The following CDH4 variants were observed in gnomAD, a reference collection of about 807,000 sequenced individuals.
CDH4 encodes the protein cadherin-4.
Under a neutral mutation model 86.0 loss-of-function variants are expected in CDH4, and 33 were observed. That is an observed-to-expected ratio of 0.38 (90% CI 0.29 to 0.51). The LOEUF (loss-of-function observed/expected upper bound fraction) is 0.51. Among genes scored for constraint, CDH4 ranks in the 20% least tolerant of loss-of-function variants. The pLI is 0.86. For synonymous variants in CDH4, 555 were observed against 549.4 expected (o/e 1.01, Z -0.14); for missense variants, 1,114 against 1,307.4 (o/e 0.85, Z 2.28).
At chr20:61,864,276 G>A (rs931903864) in intron 6 of CDH4, among the ~76,000 whole-genome samples, 25 of 152,290 alleles carry the variant, frequency 1.6e-4, no homozygotes, top group African/African-American at 5.3e-4. Flanking sequence ...TGGAGCTGAC[G>A]GGGCCAGTTC....
At chr20:61,693,515 C>T (rs1426583746) in intron 2 of CDH4, among the ~76,000 whole-genome samples, 1 of 152,258 alleles carries the variant, frequency 6.6e-6, no homozygotes, top group Non-Finnish European at 1.5e-5. Flanking sequence ...TCATGCTTGG[C>T]CTCTGCCACT....
At chr20:61,853,020 G>A (rs1010158697) in intron 6 of CDH4, 122 bp downstream of exon 6, 27 of 1,013,844 alleles carry the variant, frequency 2.7e-5, no homozygotes, top group African/African-American at 9.6e-5. Flanking sequence ...GGACTTGGGC[G>A]CAGACACACA....
chr20:61,583,634 G>A (rs187271582), intron 2 of CDH4, among the ~76,000 whole-genome samples: 31 of 152,312 alleles, frequency 2.0e-4, no homozygotes, highest in Admixed American at 1.1e-3. Context: ...TGGGTGCCTG[G>A]CCTGATCTCT....
At chr20:61,363,834 T>C (rs1355052499) in intron 2 of CDH4, among the ~76,000 whole-genome samples, 1 of 152,220 alleles carries the variant, frequency 6.6e-6, no homozygotes, top group Admixed American at 6.5e-5. Context: ...AGATGGTGCC[T>C]GACTTAGAAT....
At chr20:61,492,541 A>C (rs1049764031) in intron 2 of CDH4, among the ~76,000 whole-genome samples, 3 of 152,110 alleles carry the variant, frequency 2.0e-5, no homozygotes, top group African/African-American at 7.2e-5. Context: ...CCTGATGCTG[A>C]TGATAGTGAT....
chr20:61,789,778 G>T (rs1323954237), intron 4 of CDH4, among the ~76,000 whole-genome samples: 1 of 152,230 alleles, frequency 6.6e-6, no homozygotes, highest in African/African-American at 2.4e-5. Flanking sequence ...AGGTAGAACT[G>T]GTGGAGAAGG....
intron 2 of CDH4, among the ~76,000 whole-genome samples, chr20:61,553,120 C>T (rs759455504): frequency 4.6e-5 from 7 of 152,148 alleles, no homozygotes; most frequent in South Asian, 2.1e-4. Flanking sequence ...GAATGAAGTC[C>T]GTATGCAAGC....
intron 2 of CDH4, among the ~76,000 whole-genome samples, chr20:61,590,101 C>A (rs1436510932): frequency 6.8e-6 from 1 of 147,232 alleles, no homozygotes; most frequent in African/African-American, 2.5e-5. Context: ...TCAGGAGCAA[C>A]AGGAAGCACA....
rs565393554 is a variant in CDH4 at position 61,306,898 on chromosome 20, G to A, written c.169+51961G>A. 1.5e-4 allele frequency among the ~76,000 whole-genome samples: 23 copies of A among 152,242 alleles called. No homozygotes were observed. The South Asian group carries it at 4.4e-3, about 29-fold the overall frequency. On this transcript the variant is annotated intron_variant, in intron 2 of 15. Coordinates refer to ENST00000614565, the MANE Select transcript of CDH4 (RefSeq NM_001794.5). Reference sequence around the variant, plus strand: ...GTACGCCTGGCTTCTTTCCTGAGCCGTGTTTGGGGAGCCATCTGTGTCCTG... The same window carrying A: ...GTACGCCTGGCTTCTTTCCTGAGCCATGTTTGGGGAGCCATCTGTGTCCTG...
intron 2 of CDH4, among the ~76,000 whole-genome samples, chr20:61,622,450 C>T (rs1303530924): frequency 6.6e-6 from 1 of 152,260 alleles, no homozygotes; most frequent in Non-Finnish European, 1.5e-5. Context: ...GTTTGAGAAG[C>T]TGATGTCAGG....
intron 2 of CDH4, among the ~76,000 whole-genome samples, chr20:61,547,593 G>T (rs552911349): frequency 3.3e-5 from 5 of 151,196 alleles, no homozygotes; most frequent in African/African-American, 1.2e-4. Flanking sequence ...GGGTGGGGGT[G>T]GGGGGATACT....
intron 2 of CDH4, among the ~76,000 whole-genome samples, chr20:61,338,558 C>T (rs1223525412): frequency 6.6e-6 from 1 of 152,154 alleles, no homozygotes; most frequent in Admixed American, 6.5e-5. Flanking sequence ...GCTCCCTCCC[C>T]AATCTGCCTG....
chr20:61,756,214 C>T, intron 3 of CDH4, among the ~76,000 whole-genome samples: 1 of 152,190 alleles, frequency 6.6e-6, no homozygotes, highest in East Asian at 1.9e-4. Context: ...CTGGAGTCTG[C>T]ATCCTGGGCC....
intron 7 of CDH4, among the ~76,000 whole-genome samples, chr20:61,874,790 C>T (rs1005757618): frequency 4.6e-5 from 7 of 152,204 alleles, no homozygotes; most frequent in African/African-American, 7.2e-5. Context: ...TCATTCCAGA[C>T]GTAATTTACC....
At chr20:61,491,561 C>T (rs868235469) in intron 2 of CDH4, among the ~76,000 whole-genome samples, 65 of 152,310 alleles carry the variant, frequency 4.3e-4, no homozygotes, top group Middle Eastern at 6.8e-3. Flanking sequence ...TTTAAAGATA[C>T]GCAAAAATTG....
chr20:61,618,531 G>A (rs1262355954), intron 2 of CDH4, among the ~76,000 whole-genome samples: 2 of 152,202 alleles, frequency 1.3e-5, no homozygotes, highest in African/African-American at 2.4e-5. Flanking sequence ...TGCTGCCTGG[G>A]AATGGGACCC....
intron 2 of CDH4, among the ~76,000 whole-genome samples, chr20:61,493,341 TCTC>T (rs1341132528): frequency 1.3e-5 from 2 of 152,184 alleles, no homozygotes. Context: ...CTGTTTGGCT[TCTC>T]CTGGACAATG....
At chr20:61,509,208 A>G (rs2085762575) in intron 2 of CDH4, among the ~76,000 whole-genome samples, 2 of 151,994 alleles carry the variant, frequency 1.3e-5, no homozygotes, top group South Asian at 4.2e-4. Context: ...TGGGGCATGA[A>G]TGAAATCACC....
At chr20:61,936,204 C>A (rs1393035122) in intron 15 of CDH4, among the ~76,000 whole-genome samples, 2 of 151,726 alleles carry the variant, frequency 1.3e-5, no homozygotes, top group African/African-American at 4.8e-5. Context: ...ATCTGCCTGC[C>A]CCCTTAGGGA....
Sources: gnomAD v4.1 joint callset for allele counts (sites outside exome capture counted in the v4.1 genomes callset) on GRCh38, gnomAD v4.1.1 for gene constraint, MANE v1.5 for transcripts, NCBI Gene and HGNC (gene_info 2026-07-23, HGNC 2026-07-21) for gene names.